KCTD8: variants seen among roughly 807,000 people sequenced by gnomAD.
KCTD8 encodes the protein BTB/POZ domain-containing protein KCTD8.
KCTD8 carries 27 observed loss-of-function variants against 31.5 expected under a neutral mutation model. The ratio of observed to expected loss-of-function variants is 0.86; its 90% CI spans 0.63 to 1.18. The LOEUF is 1.18. Among genes scored for constraint, KCTD8 ranks in the 50% most tolerant of loss-of-function variants. The pLI, the probability that KCTD8 is intolerant of heterozygous loss-of-function variation, is 0.00. For missense variants in KCTD8, 658 were observed against 647.7 expected, an observed-to-expected ratio of 1.02 and a Z score of -0.17; for synonymous variants, 290 against 280.0, an observed-to-expected ratio of 1.04 and a Z score of -0.36.
intron 1 of KCTD8, among the ~76,000 whole-genome samples, chr4:44,270,309 C>A (rs1338612242): frequency 1.4e-5 from 2 of 145,718 alleles, no homozygotes; most frequent in Non-Finnish European, 3.0e-5. Context: ...CCAAACACTG[C>A]ATGTTCTCAC....
At chr4:44,247,017 T>C (rs1715687094) in intron 1 of KCTD8, among the ~76,000 whole-genome samples, 1 of 152,070 alleles carries the variant, frequency 6.6e-6, no homozygotes, top group South Asian at 2.1e-4. Flanking sequence ...TGTAGTATTA[T>C]TTGTAGAGTT....
intron 1 of KCTD8, among the ~76,000 whole-genome samples, chr4:44,336,113 G>T (rs1376947222): frequency 8.8e-6 from 1 of 113,836 alleles, no homozygotes; most frequent in Non-Finnish European, 1.6e-5. Context: ...TCCCGCCACT[G>T]CACTCCAGCC....
At chr4:44,432,027 CT>C (rs1380700893) in intron 1 of KCTD8, among the ~76,000 whole-genome samples, 1 of 151,530 alleles carries the variant, frequency 6.6e-6, no homozygotes, top group Non-Finnish European at 1.5e-5. Flanking sequence ...TCCTTTCCCC[CT>C]ATATCTAACT....
chr4:44,292,673 T>A (rs1490488250), intron 1 of KCTD8, among the ~76,000 whole-genome samples: 2 of 151,968 alleles, frequency 1.3e-5, no homozygotes, highest in Admixed American at 1.3e-4. Flanking sequence ...GTGGTGCAAT[T>A]TTTTTTCTTG....
At chr4:44,266,448 T>C (rs1026566954) in intron 1 of KCTD8, among the ~76,000 whole-genome samples, 9 of 152,112 alleles carry the variant, frequency 5.9e-5, no homozygotes, top group African/African-American at 9.7e-5. Context: ...CATGCCAAAA[T>C]GTAAAGATCA....
intron 1 of KCTD8, among the ~76,000 whole-genome samples, chr4:44,182,004 C>T (rs1389113866): frequency 6.6e-6 from 1 of 151,128 alleles, no homozygotes; most frequent in Non-Finnish European, 1.5e-5. Context: ...AAGTGAGGAG[C>T]CCCTCCGCCT....
At chr4:44,365,458 T>C (rs563287237) in intron 1 of KCTD8, among the ~76,000 whole-genome samples, 78 of 152,260 alleles carry the variant, frequency 5.1e-4, no homozygotes, top group African/African-American at 1.9e-3. Flanking sequence ...TAAGATTCTT[T>C]AGCTATTTTA....
At chr4:44,238,378 T>C (rs967114818) in intron 1 of KCTD8, among the ~76,000 whole-genome samples, 1 of 152,192 alleles carries the variant, frequency 6.6e-6, no homozygotes, top group Non-Finnish European at 1.5e-5. Context: ...TATTCATGGA[T>C]GGGATTGTTT....
At chr4:44,177,939 G>GACCC (rs778974071) in intron 1 of KCTD8, among the ~76,000 whole-genome samples, 3 of 152,094 alleles carry the variant, frequency 2.0e-5, no homozygotes, top group Non-Finnish European at 4.4e-5. Context: ...CACTCTATCA[G>GACCC]ACCCACTCTG....
chr4:44,192,045 T>A (rs2109335180), intron 1 of KCTD8, among the ~76,000 whole-genome samples: 1 of 152,108 alleles, frequency 6.6e-6, no homozygotes, highest in East Asian at 1.9e-4. Context: ...GCTGTAAAAT[T>A]CCCCTCTTTG....
At chr4:44,209,617 A>G (rs1331858883) in intron 1 of KCTD8, among the ~76,000 whole-genome samples, 3 of 152,040 alleles carry the variant, frequency 2.0e-5, no homozygotes, top group East Asian at 3.9e-4. Context: ...ATAGATATAG[A>G]TATAGACATA....
At chr4:44,214,245 T>C (rs548469307) in intron 1 of KCTD8, among the ~76,000 whole-genome samples, 23 of 152,194 alleles carry the variant, frequency 1.5e-4, no homozygotes, top group Non-Finnish European at 2.6e-4. Context: ...CTGTTTTATG[T>C]CAATTTAGTT....
intron 1 of KCTD8, among the ~76,000 whole-genome samples, chr4:44,356,098 G>A (rs1012001448): frequency 6.6e-6 from 1 of 152,070 alleles, no homozygotes; most frequent in Non-Finnish European, 1.5e-5. Context: ...CCTCATACTT[G>A]AGTATACTTC....
chr4:44,286,314 T>C (rs749150712), intron 1 of KCTD8, among the ~76,000 whole-genome samples: 20 of 152,152 alleles, frequency 1.3e-4, no homozygotes, highest in Non-Finnish European at 2.8e-4. Flanking sequence ...ACATTCCTAA[T>C]GTTCCCTTCT....
At chr4:44,422,639 T>C (rs1400214813) in intron 1 of KCTD8, among the ~76,000 whole-genome samples, 2 of 151,970 alleles carry the variant, frequency 1.3e-5, no homozygotes, top group Non-Finnish European at 2.9e-5. Flanking sequence ...CAGAAGAAGG[T>C]AGTTTCAGGG....
chr4:44,320,621 A>C (rs190127132), intron 1 of KCTD8, among the ~76,000 whole-genome samples: 1 of 152,336 alleles, frequency 6.6e-6, no homozygotes, highest in East Asian at 1.9e-4. Context: ...TAGAAGCATA[A>C]GTAAAACCTA....
intron 1 of KCTD8, among the ~76,000 whole-genome samples, chr4:44,386,133 G>A (rs1476434560): frequency 6.6e-6 from 1 of 151,522 alleles, no homozygotes; most frequent in Non-Finnish European, 1.5e-5. Context: ...ATGGAAAACA[G>A]GATGTTGATT....
At chr4:44,211,367 A>G (rs1328796770) in intron 1 of KCTD8, among the ~76,000 whole-genome samples, 1 of 152,212 alleles carries the variant, frequency 6.6e-6, no homozygotes, top group Non-Finnish European at 1.5e-5. Context: ...TTTAGTATAC[A>G]TAAACATGAA....
intron 1 of KCTD8, among the ~76,000 whole-genome samples, chr4:44,203,093 T>A (rs1343384307): frequency 1.3e-5 from 2 of 152,154 alleles, no homozygotes; most frequent in Non-Finnish European, 2.9e-5. Context: ...CCAATTTATT[T>A]ACAAATGGAG....
Sources: allele counts gnomAD v4.1 joint callset (sites outside exome capture counted in the v4.1 genomes callset), GRCh38; gene constraint gnomAD v4.1.1; transcripts MANE v1.5; gene names NCBI Gene and HGNC (gene_info 2026-07-23, HGNC 2026-07-21).